The following ZNF708 variants were observed in gnomAD, a reference collection of about 807,000 sequenced individuals.
ZNF708 encodes the protein zinc finger protein 708, also known as ZNF15, ZNF15L1.
In ZNF708, 44 loss-of-function variants were observed where a neutral mutation model predicts 47.0. The observed-to-expected ratio is 0.94, with a 90% confidence interval of 0.74 to 1.20. The LOEUF (loss-of-function observed/expected upper bound fraction) is 1.20. Ranked by LOEUF, ZNF708 falls within the 50% of genes most tolerant of loss-of-function variation. ZNF708 has a pLI of 0.00. For synonymous variants in ZNF708, 184 were observed against 218.5 expected, an observed-to-expected ratio of 0.84 and a Z score of 1.39; for missense variants, 557 against 656.0, an observed-to-expected ratio of 0.85 and a Z score of 1.65.
chr19:21,329,025 G>T (rs1291047035), intron 1 of ZNF708, among the ~76,000 whole-genome samples, 185 bp downstream of exon 1: 1 of 152,242 alleles, frequency 6.6e-6, no homozygotes, highest in Non-Finnish European at 1.5e-5. Flanking sequence ...AGGACGCCCG[G>T]GGGCCCGGCT....
At chr19:21,311,602 G>A (rs1316719009) in intron 1 of ZNF708, among the ~76,000 whole-genome samples, 1 of 151,914 alleles carries the variant, frequency 6.6e-6, no homozygotes, top group Non-Finnish European at 1.5e-5. Flanking sequence ...ATGATTTTAG[G>A]TAGACATCTT....
At chr19:21,316,707 C>T (rs1973020656) in intron 1 of ZNF708, among the ~76,000 whole-genome samples, 1 of 151,984 alleles carries the variant, frequency 6.6e-6, no homozygotes, top group African/African-American at 2.4e-5. Context: ...GTAATCCCAA[C>T]ACTTTGGGAG....
In ZNF708 at chr19:21,299,630, A is replaced by G. The variant is rs1972613264; in HGVS notation, c.227-4891T>C. On this transcript the variant is annotated intron_variant, in intron 3 of 3. Transcript: ENST00000356929. ...CAATAACAACAACAAAAAATTAGCT[A>G]GGGGTGGTGATGCACACCTGTAATC... Among the ~76,000 whole-genome samples the G allele has an allele frequency of 2.0e-5, 3 of 151,574 alleles. 1 individual carries two copies. The South Asian group carries it at 6.2e-4, about 31-fold the overall frequency.
At chr19:21,326,194 C>T (rs1973252454) in intron 1 of ZNF708, among the ~76,000 whole-genome samples, 1 of 152,166 alleles carries the variant, frequency 6.6e-6, no homozygotes, top group Non-Finnish European at 1.5e-5. Flanking sequence ...ACCATTTGAT[C>T]CAGCAATCCC....
At chr19:21,323,301 C>T (rs914238279) in intron 1 of ZNF708, among the ~76,000 whole-genome samples, 2 of 152,138 alleles carry the variant, frequency 1.3e-5, no homozygotes, top group Non-Finnish European at 2.9e-5. Context: ...TTGAATTTGA[C>T]TTCAGTGGTG....
chr19:21,324,515 C>T (rs975109022), intron 1 of ZNF708, among the ~76,000 whole-genome samples: 7 of 151,526 alleles, frequency 4.6e-5, no homozygotes, highest in South Asian at 2.1e-4. Context: ...TGCAGTAAGC[C>T]GAGATCATGA....
intron 3 of ZNF708, among the ~76,000 whole-genome samples, chr19:21,303,961 CATA>C (rs1446321550): frequency 1.3e-5 from 2 of 151,902 alleles, no homozygotes; most frequent in Non-Finnish European, 2.9e-5. Flanking sequence ...TACTTAGCAA[CATA>C]ATAACTGTAA....
intron 3 of ZNF708, among the ~76,000 whole-genome samples, chr19:21,302,032 C>A (rs1972670669): frequency 6.6e-6 from 1 of 152,114 alleles, no homozygotes; most frequent in Non-Finnish European, 1.5e-5. Context: ...CAGGCCAAGG[C>A]AGCCAGATCA....
intron 3 of ZNF708, among the ~76,000 whole-genome samples, chr19:21,296,548 AAAAG>A (rs1972530563): frequency 6.6e-6 from 1 of 152,210 alleles, no homozygotes; most frequent in Non-Finnish European, 1.5e-5. Context: ...CAACTGAATA[AAAAG>A]AAAGACCTTC....
Position 21,294,543 on chromosome 19 carries a change from C to T in ZNF708, c.423G>A (p.Gln141=). 1 of 1,614,114 alleles carries T rather than the reference C, an allele frequency of 6.2e-7. No individual in the cohort carries two copies. The highest frequency in any genetic ancestry group is 8.5e-7 in the Non-Finnish European group (1 of 1,180,004). ...CVTTTQSKIV[Q]CDKYVKVFHK... is the part of the protein sequence containing the mutation. ...GAAAGACTTTCACGTATTTGTCACA[C>T]TGAACTATTTTGCTCTGGGTAGTTG... The change falls in exon 4 of 4, where the codon CAG becomes CAA. Residue 141 remains glutamine, a synonymous_variant. Coordinates refer to ENST00000356929, the MANE Select transcript of ZNF708 (RefSeq NM_021269.3).
At position 21,309,287 on chromosome 19, in the gene ZNF708, G is replaced by A. The variant is rs752293476; in HGVS notation, c.185C>T (p.Pro62Leu). Residue 62 changes from proline to leucine, a missense_variant, in exon 3 of 4, where the codon CCC becomes CTC. Physicochemically the swap from Pro to Leu is moderately conservative, Grantham distance 98 (BLOSUM62 -3). Transcript: ENST00000356929. Reference sequence around the variant, plus strand: ...CATCTCGTGTCTCTTCATATTCCAGGGCTCTTTTCCTTGCTCCAGACAGGT... The same window carrying A: ...CATCTCGTGTCTCTTCATATTCCAGAGCTCTTTTCCTTGCTCCAGACAGGT... ...LITCLEQGKE[P>L]WNMKRHEMAA... 5.6e-6 allele frequency: 9 copies of A among 1,604,382 alleles called. No individual in the cohort carries two copies. In the South Asian group the frequency reaches 7.7e-5, roughly 14 times the overall value.
At chr19:21,300,769 T>A (rs2145156100) in intron 3 of ZNF708, among the ~76,000 whole-genome samples, 1 of 152,052 alleles carries the variant, frequency 6.6e-6, no homozygotes, top group African/African-American at 2.4e-5. Flanking sequence ...CATGCTATTC[T>A]CCTGCCTCAG....
At chr19:21,319,355 T>C (rs961052279) in intron 1 of ZNF708, among the ~76,000 whole-genome samples, 20 of 152,222 alleles carry the variant, frequency 1.3e-4, no homozygotes, top group Non-Finnish European at 2.8e-4. Context: ...ATTAGTGTTC[T>C]GTAAAAGGAA....
chr19:21,306,829 G>C (rs995151195), intron 3 of ZNF708: 1 of 151,910 alleles, frequency 6.6e-6, no homozygotes, highest in African/African-American at 2.4e-5. Context: ...TGTAATCCCA[G>C]TTACTCGGAA....
At chr19:21,316,901 C>T (rs1056403298) in intron 1 of ZNF708, among the ~76,000 whole-genome samples, 1 of 151,948 alleles carries the variant, frequency 6.6e-6, no homozygotes, top group African/African-American at 2.4e-5. Context: ...ATTCTCCTGC[C>T]TCAGCCTCCC....
At chr19:21,309,841 G>A (rs1028136393) in intron 2 of ZNF708, among the ~76,000 whole-genome samples, 1 of 152,086 alleles carries the variant, frequency 6.6e-6, no homozygotes, top group Non-Finnish European at 1.5e-5. Context: ...TTTTCAATTT[G>A]TATGTTCTTA....
intron 1 of ZNF708, among the ~76,000 whole-genome samples, chr19:21,326,701 C>T (rs926676284): frequency 2.6e-5 from 4 of 152,054 alleles, no homozygotes; most frequent in Admixed American, 6.6e-5. Context: ...GAGGCCATGG[C>T]GGGTGGATCA....
chr19:21,306,133 A>G (rs1431713274), intron 3 of ZNF708, among the ~76,000 whole-genome samples: 1 of 152,248 alleles, frequency 6.6e-6, no homozygotes. Context: ...TAGAAAAAAC[A>G]TAGGAAAAAG....
intron 3 of ZNF708, among the ~76,000 whole-genome samples, chr19:21,301,424 C>T (rs933064385): frequency 3.3e-5 from 5 of 151,736 alleles, no homozygotes; most frequent in African/African-American, 1.2e-4. Context: ...ACCAGCCTGG[C>T]CAAGATGGTG....
Sources: gnomAD v4.1 joint callset for allele counts (sites outside exome capture counted in the v4.1 genomes callset) on GRCh38, gnomAD v4.1.1 for gene constraint, MANE v1.5 for transcripts, NCBI Gene and HGNC (gene_info 2026-07-23, HGNC 2026-07-21) for gene names.